The following ZNF560 variants were observed in gnomAD, a reference collection of about 807,000 sequenced individuals.
The protein encoded by ZNF560 is zinc finger protein 560.
ZNF560 carries 54 observed loss-of-function variants against 81.8 expected under a neutral mutation model. That is an observed-to-expected ratio of 0.66 (90% CI 0.53 to 0.83). ZNF560 has a LOEUF of 0.83. Among genes scored for constraint, ZNF560 ranks in the 40% least tolerant of loss-of-function variants. The pLI is 0.00. For missense variants in ZNF560, 940 were observed against 932.4 expected (o/e 1.01, Z -0.11); for synonymous variants, 321 against 317.9 (o/e 1.01, Z -0.10).
intron 7 of ZNF560, 124 bp downstream of exon 7, chr19:9,470,268 A>G: frequency 7.9e-7 from 1 of 1,258,982 alleles, no homozygotes; most frequent in African/African-American, 1.5e-5. Flanking sequence ...ATTAAAAAAA[A>G]TTTTTTTTCA....
Position 9,495,568 on chromosome 19 carries a change from G to A in ZNF560, c.-57+2560C>T, listed in dbSNP as rs141456388. 2.6e-3 allele frequency among the ~76,000 whole-genome samples: 396 copies of A among 152,158 alleles called. 2 individuals are homozygous for A. The highest frequency in any genetic ancestry group is 9.2e-3 in the African/African-American group (383 of 41,516). ...AAAAAAATACCAAAATTAGCCAGGCGTGGTGGTGCATGCCTGTAATCCCAT... is the reference window on the plus strand; with the variant it reads ...AAAAAAATACCAAAATTAGCCAGGCATGGTGGTGCATGCCTGTAATCCCAT... On this transcript the variant is annotated intron_variant, in intron 2 of 9. Coordinates refer to ENST00000301480, the MANE Select transcript of ZNF560 (RefSeq NM_152476.3).
At chr19:9,484,894 A>G (rs1250231960) in intron 2 of ZNF560, among the ~76,000 whole-genome samples, 3 of 152,064 alleles carry the variant, frequency 2.0e-5, no homozygotes, top group Non-Finnish European at 4.4e-5. Context: ...AAAATCAGAT[A>G]TGAGAGAGGA....
At chr19:9,446,767 TTATAG>T in the ZNF560 span, among the ~76,000 whole-genome samples, 2 of 152,188 alleles carry the variant, frequency 1.3e-5, no homozygotes, top group African/African-American at 4.8e-5. Context: ...CTTGATTTAC[TTATAG>T]TATAGAGATA....
intron 2 of ZNF560, among the ~76,000 whole-genome samples, chr19:9,497,251 C>T (rs1026433952): frequency 6.6e-6 from 1 of 151,980 alleles, no homozygotes; most frequent in Non-Finnish European, 1.5e-5. Flanking sequence ...TTTTAATTTT[C>T]TTGATGCAAA....
At chr19:9,463,207 T>C (rs116836636), downstream of ZNF560, among the ~76,000 whole-genome samples, 316 of 152,140 alleles carry the variant, frequency 2.1e-3, 2 homozygotes, top group African/African-American at 7.3e-3. Context: ...TCTAGTAAAA[T>C]TCAGTATACA....
chr19:9,489,741 C>T (rs1247593895), intron 2 of ZNF560, among the ~76,000 whole-genome samples: 1 of 152,156 alleles, frequency 6.6e-6, no homozygotes, highest in East Asian at 1.9e-4. Flanking sequence ...AGGCAGCTGC[C>T]ACCACGCCCA....
chr19:9,503,920 T>G, the ZNF560 span, among the ~76,000 whole-genome samples: 1 of 152,234 alleles, frequency 6.6e-6, no homozygotes, highest in African/African-American at 2.4e-5. Flanking sequence ...TAATACAGAA[T>G]AATTAAACGA....
intron 2 of ZNF560, among the ~76,000 whole-genome samples, chr19:9,483,203 C>T (rs138641563): frequency 0.045 from 6,753 of 151,064 alleles, 509 homozygotes; most frequent in African/African-American, 0.16. Context: ...GCCGCCATCC[C>T]GTCTAGGAAG....
chr19:9,497,883 A>C (rs1283902167), intron 2 of ZNF560, among the ~76,000 whole-genome samples: 4 of 152,218 alleles, frequency 2.6e-5, no homozygotes, highest in Non-Finnish European at 1.5e-5. Flanking sequence ...TCAGATGAAA[A>C]GAATGGCTGA....
chr19:9,499,807 CTT>C (rs2073616762), upstream of ZNF560, among the ~76,000 whole-genome samples: 1 of 152,164 alleles, frequency 6.6e-6, no homozygotes. Flanking sequence ...TATTTTACCT[CTT>C]GGGGTAAAGT....
Position 9,467,686 on chromosome 19 carries a change from C to G in ZNF560, c.1261G>C (p.Glu421Gln). The G allele has an allele frequency of 6.2e-7, 1 of 1,613,772 alleles. No individual in the cohort carries two copies. The highest frequency in any genetic ancestry group is 8.5e-7 in the Non-Finnish European group (1 of 1,179,926). The change falls in exon 10 of 10, where the codon GAA (glutamate) becomes CAA (glutamine). Residue 421 changes from glutamate (E) to glutamine (Q), a missense_variant. By Grantham distance (29) the Glu-to-Gln change is conservative. Coordinates refer to ENST00000301480, the MANE Select transcript of ZNF560 (RefSeq NM_152476.3). ...KAFGTSAGLIEHIRCHAREKT... is the reference protein window; with the variant it reads ...KAFGTSAGLIQHIRCHAREKT... ...TCTCTGGCGTGACATCTTATATGTT[C>G]AATAAGGCCTGCAGATGTACCAAAG...
chr19:9,459,839 G>A, the ZNF560 span, among the ~76,000 whole-genome samples: 1 of 152,098 alleles, frequency 6.6e-6, no homozygotes, highest in Non-Finnish European at 1.5e-5. Context: ...TTAGACTGTA[G>A]TGCAGCGGGG....
the ZNF560 span, among the ~76,000 whole-genome samples, chr19:9,458,652 C>A: frequency 6.6e-6 from 1 of 152,228 alleles, no homozygotes; most frequent in African/African-American, 2.4e-5. Context: ...GGCTCATACA[C>A]CTCTTCCAGG....
intron 7 of ZNF560, 121 bp downstream of exon 7, chr19:9,470,271 T>C: frequency 7.5e-7 from 1 of 1,338,250 alleles, no homozygotes; most frequent in East Asian, 2.4e-5. Flanking sequence ...AAAAAAAATT[T>C]TTTTTCAGTG....
At chr19:9,475,463 T>C in intron 2 of ZNF560, 94 bp from the exon 3 acceptor site, 1 of 661,490 alleles carries the variant, frequency 1.5e-6, no homozygotes, top group Non-Finnish European at 2.6e-6. Flanking sequence ...GAAATTCTCT[T>C]ATAATTCATA....
Position 9,466,357 on chromosome 19 carries a change from AGAG to A in ZNF560, c.*214_*216del. On this transcript the variant is annotated 3_prime_UTR_variant, in exon 10 of 10. Transcript: ENST00000301480. The stretch of plus-strand genomic sequence containing the variant: ...TGAGACTCATCAAAAAAAAAAAAAG[AGAG>A]AGAGAAGAACTAGTGTTTTCCTACA... 2 of 436,264 alleles carry A rather than the reference AGAG, an allele frequency of 4.6e-6. No individual in the cohort carries two copies. Among genetic ancestry groups the A allele is most frequent in the Non-Finnish European group, 7.6e-6 (2 of 264,242 alleles). The allele number at this position is 436,264 out of a possible 1,614,324, so 27.0% of individuals were successfully genotyped here.
upstream of ZNF560, among the ~76,000 whole-genome samples, chr19:9,501,426 T>C (rs2073632543): frequency 6.7e-6 from 1 of 149,872 alleles, no homozygotes; most frequent in African/African-American, 2.5e-5. Context: ...TGGTGTGATC[T>C]CGGCTCACCA....
chr19:9,485,106 C>T (rs952206666), intron 2 of ZNF560, among the ~76,000 whole-genome samples: 2 of 152,142 alleles, frequency 1.3e-5, no homozygotes, highest in African/African-American at 4.8e-5. Flanking sequence ...CTAAAAATCT[C>T]CCATCAAACA....
chr19:9,480,960 T>G (rs1264591164), intron 2 of ZNF560, among the ~76,000 whole-genome samples: 1 of 151,862 alleles, frequency 6.6e-6, no homozygotes, highest in East Asian at 1.9e-4. Flanking sequence ...GGTGCACGCC[T>G]GTAGTCCCAG....
Sources: allele counts gnomAD v4.1 joint callset (sites outside exome capture counted in the v4.1 genomes callset), GRCh38; gene constraint gnomAD v4.1.1; transcripts MANE v1.5; gene names NCBI Gene and HGNC (gene_info 2026-07-23, HGNC 2026-07-21).